CST8: variants seen among roughly 807,000 people sequenced by gnomAD.
CST8 encodes cystatin-8.
Under a neutral mutation model 11.8 loss-of-function variants are expected in CST8, and 20 were observed. The ratio of observed to expected loss-of-function variants is 1.70; its 90% CI spans 1.20 to 2.47. CST8 has a LOEUF of 2.47. CST8 is among the 30% of genes most tolerant of loss of function. CST8 has a pLI of 0.00. For missense variants in CST8, 196 were observed against 167.2 expected (o/e 1.17, Z -0.95); for synonymous variants, 77 against 63.1 (o/e 1.22, Z -1.05).
At chr20:23,501,756 G>A in the CST8 span, among the ~76,000 whole-genome samples, 2 of 152,218 alleles carry the variant, frequency 1.3e-5, no homozygotes, top group Non-Finnish European at 2.9e-5. Flanking sequence ...GAACATTTTT[G>A]GTCGTGAACT....
intron 2 of CST8, 115 bp downstream of exon 2, chr20:23,492,013 A>G: frequency 5.3e-6 from 4 of 760,982 alleles, no homozygotes; most frequent in Non-Finnish European, 8.8e-6. Context: ...TAAATATGTG[A>G]ATGCTTAAGA....
chr20:23,500,360 GAGC>G (rs1418543981), downstream of CST8, among the ~76,000 whole-genome samples: 1 of 152,104 alleles, frequency 6.6e-6, no homozygotes, highest in Non-Finnish European at 1.5e-5. Flanking sequence ...ACTTGGGAAG[GAGC>G]CCGGTGTGCT....
At chr20:23,503,335 AG>A in the CST8 span, among the ~76,000 whole-genome samples, 1 of 152,340 alleles carries the variant, frequency 6.6e-6, no homozygotes, top group Non-Finnish European at 1.5e-5. Flanking sequence ...TGCTCATAAA[AG>A]CCACTTTGAC....
intron 3 of CST8, among the ~76,000 whole-genome samples, chr20:23,495,134 G>A (rs1260196970): frequency 1.3e-5 from 2 of 152,130 alleles, no homozygotes; most frequent in African/African-American, 4.8e-5. Flanking sequence ...TTACTGCAAA[G>A]GACATTATCT....
At chr20:23,506,153 T>G in the CST8 span, among the ~76,000 whole-genome samples, 2 of 152,196 alleles carry the variant, frequency 1.3e-5, no homozygotes, top group South Asian at 4.1e-4. Context: ...TTTTGCCACT[T>G]TTCTTACTTG....
chr20:23,504,437 G>A, the CST8 span, among the ~76,000 whole-genome samples: 1 of 152,138 alleles, frequency 6.6e-6, no homozygotes, highest in Non-Finnish European at 1.5e-5. Context: ...CCAAGGCAAT[G>A]TGGAAGTGTG....
At chr20:23,500,375 T>C (rs538146007), downstream of CST8, among the ~76,000 whole-genome samples, 2 of 152,278 alleles carry the variant, frequency 1.3e-5, no homozygotes, top group South Asian at 4.1e-4. Flanking sequence ...CGGTGTGCTC[T>C]GGTCTCAGAG....
downstream of CST8, among the ~76,000 whole-genome samples, chr20:23,500,291 C>A (rs1988151653): frequency 6.6e-6 from 1 of 152,104 alleles, no homozygotes; most frequent in South Asian, 2.1e-4. Context: ...CTGCTGGGAC[C>A]AGGGGTGGGC....
At chr20:23,493,354 C>A (rs907995399) in intron 3 of CST8, among the ~76,000 whole-genome samples, 1 of 152,188 alleles carries the variant, frequency 6.6e-6, no homozygotes, top group Admixed American at 6.5e-5. Context: ...GCACACTGGA[C>A]AACACATAAT....
chr20:23,502,757 C>G, the CST8 span, among the ~76,000 whole-genome samples: 1 of 152,212 alleles, frequency 6.6e-6, no homozygotes, highest in Non-Finnish European at 1.5e-5. Flanking sequence ...TCTGATGGAA[C>G]TTCTCTAGGG....
chr20:23,506,752 C>T, the CST8 span, among the ~76,000 whole-genome samples: 8 of 152,198 alleles, frequency 5.3e-5, no homozygotes, highest in African/African-American at 1.9e-4. Context: ...TTACCTCTGG[C>T]TTTTCTTTCC....
chr20:23,505,677 G>A, the CST8 span, among the ~76,000 whole-genome samples: 1 of 152,158 alleles, frequency 6.6e-6, no homozygotes, highest in South Asian at 2.1e-4. Context: ...CCTTACTGAG[G>A]TGGATCCAGT....
At chr20:23,494,754 A>T (rs1359407540) in intron 3 of CST8, among the ~76,000 whole-genome samples, 1 of 152,222 alleles carries the variant, frequency 6.6e-6, no homozygotes, top group African/African-American at 2.4e-5. Context: ...GGAAGAAAAG[A>T]TATGTTAGGC....
chr20:23,503,389 A>G, the CST8 span, among the ~76,000 whole-genome samples: 148 of 152,346 alleles, frequency 9.7e-4, 1 homozygote, highest in African/African-American at 3.3e-3. Flanking sequence ...TCAGGATGAA[A>G]ATACACTGAA....
chr20:23,502,748 C>A, the CST8 span, among the ~76,000 whole-genome samples: 31 of 152,214 alleles, frequency 2.0e-4, no homozygotes, highest in African/African-American at 7.5e-4. Context: ...TCAGAATTGT[C>A]TGATGGAACT....
Position 23,491,643 on chromosome 20 carries a change from G to C in CST8, c.-25G>C, listed in dbSNP as rs200566980. 1.3e-6 allele frequency: 2 copies of C among 1,582,108 alleles called. No individual in the cohort carries two copies. Among genetic ancestry groups the C allele is most frequent in the Admixed American group, 3.3e-5 (2 of 59,858 alleles). On this transcript the variant is annotated 5_prime_UTR_variant, in exon 2 of 4. Transcript: ENST00000246012. ...CCCTGAGACGACGAGGAGGAGAGTC[G>C]ACTTTGCCTCTTGCCCAAGGGACCA...
At chr20:23,494,872 G>A (rs148684199) in intron 3 of CST8, among the ~76,000 whole-genome samples, 55 of 152,230 alleles carry the variant, frequency 3.6e-4, no homozygotes, top group Admixed American at 2.4e-3. Context: ...ATGTAAATTC[G>A]TGTCACAGGG....
At position 23,491,615 on chromosome 20, in the gene CST8, C is replaced by T. The variant is rs1291505647; in HGVS notation, c.-53C>T. The T allele has an allele frequency of 2.2e-5, 31 of 1,438,970 alleles. No homozygotes were observed. The highest frequency in any genetic ancestry group is 2.1e-4 in the Middle Eastern group (1 of 4,696). The allele number at this position is 1,438,970 out of a possible 1,614,324, so 89.1% of individuals were successfully genotyped here. ...GGCCACCCCATCCTGCCCACAGCTC[C>T]AGCCCTGAGACGACGAGGAGGAGAG... On this transcript the variant is annotated 5_prime_UTR_variant, in exon 2 of 4. Transcript: ENST00000246012.
At position 23,493,048 on chromosome 20, in the gene CST8, C is replaced by G; in HGVS notation, c.322C>G (p.Gln108Glu). 3.7e-6 allele frequency: 6 copies of G among 1,610,242 alleles called. No individual in the cohort carries two copies. The highest frequency in any genetic ancestry group is 5.1e-6 in the Non-Finnish European group (6 of 1,176,674). Residue 108 changes from glutamine (Q) to glutamate (E), a missense_variant, in exon 3 of 4, where the codon CAA becomes GAA. Coordinates refer to ENST00000246012, the MANE Select transcript of CST8 (RefSeq NM_005492.4). The stretch of plus-strand genomic sequence containing the variant: ...AAGCACTAATGAAATCTGCGCCATT[C>G]AAGAAAACTCCAAGCTGAAAAGGGT... ...PLSTNEICAI[Q>E]ENSKLKRKLS...
Sources: gnomAD v4.1 joint callset for allele counts (sites outside exome capture counted in the v4.1 genomes callset) on GRCh38, gnomAD v4.1.1 for gene constraint, MANE v1.5 for transcripts, NCBI Gene and HGNC (gene_info 2026-07-23, HGNC 2026-07-21) for gene names.